Variants in MBNL1 observed in about 807,000 individuals in gnomAD.
MBNL1 encodes muscleblind like splicing regulator 1, also known as muscleblind-like protein 1.
A neutral mutation model predicts 42.2 loss-of-function variants in MBNL1; 8 were observed. That is an observed-to-expected ratio of 0.19 (90% CI 0.11 to 0.34). The LOEUF (loss-of-function observed/expected upper bound fraction) is 0.34. MBNL1 is among the 10% of genes least tolerant of loss of function. The pLI is 1.00. For missense variants in MBNL1, 309 were observed against 495.3 expected, an observed-to-expected ratio of 0.62 and a Z score of 3.57; for synonymous variants, 169 against 173.9, an observed-to-expected ratio of 0.97 and a Z score of 0.22.
At chr3:152,335,549 C>T (rs1227730577) in intron 2 of MBNL1, among the ~76,000 whole-genome samples, 3 of 152,000 alleles carry the variant, frequency 2.0e-5, no homozygotes, top group Non-Finnish European at 4.4e-5. Context: ...TTTGACTTGC[C>T]CTACAGTGAT....
At chr3:152,257,934 T>C (rs1004063760) in intron 2 of MBNL1, among the ~76,000 whole-genome samples, 3 of 152,154 alleles carry the variant, frequency 2.0e-5, no homozygotes, top group Non-Finnish European at 4.4e-5. Context: ...GCTTGTAAAG[T>C]GGGTGAGAAA....
At chr3:152,363,714 T>C (rs756273561) in intron 2 of MBNL1, among the ~76,000 whole-genome samples, 1 of 152,146 alleles carries the variant, frequency 6.6e-6, no homozygotes. Flanking sequence ...TAGTTCCATT[T>C]TAGAGAGAGG....
chr3:152,329,465 A>G (rs561697106), intron 2 of MBNL1, among the ~76,000 whole-genome samples: 2 of 151,194 alleles, frequency 1.3e-5, no homozygotes, highest in East Asian at 4.0e-4. Flanking sequence ...TGTCTCTACC[A>G]AAAAGAAAAG....
At chr3:152,435,694 G>A (rs1042009622) in intron 4 of MBNL1, among the ~76,000 whole-genome samples, 1 of 151,966 alleles carries the variant, frequency 6.6e-6, no homozygotes, top group Non-Finnish European at 1.5e-5. Context: ...TTTTCAGTTT[G>A]TTATGTGTCA....
At chr3:152,247,053 T>C (rs1031319711) in intron 2 of MBNL1, among the ~76,000 whole-genome samples, 1 of 152,150 alleles carries the variant, frequency 6.6e-6, no homozygotes, top group Non-Finnish European at 1.5e-5. Flanking sequence ...CAAAAGAACA[T>C]TGAAAGATTT....
intron 2 of MBNL1, among the ~76,000 whole-genome samples, chr3:152,339,446 T>G (rs1036164318): frequency 1.3e-5 from 2 of 152,146 alleles, no homozygotes; most frequent in African/African-American, 4.8e-5. Context: ...TATGAGTTTG[T>G]GACAGCTGTT....
At chr3:152,274,624 C>A (rs531541839) in intron 1 of MBNL1, among the ~76,000 whole-genome samples, 17 of 152,084 alleles carry the variant, frequency 1.1e-4, no homozygotes, top group Non-Finnish European at 2.2e-4. Context: ...ATTCTGTTAA[C>A]GCAGTATTCT....
At position 152,300,489 on chromosome 3, in the gene MBNL1, T is replaced by G. The variant is rs369763023; in HGVS notation, c.174+122T>G. On this transcript the variant is annotated intron_variant, in intron 2 of 9. Coordinates refer to ENST00000324210, the MANE Select transcript of MBNL1 (RefSeq NM_021038.5). ...TTCATAGTTTAGTTATACAGTGTGT[T>G]GATGATGTTGGGCTGGGGAACTTTA... The G allele has an allele frequency of 8.5e-5, 66 of 778,070 alleles. No homozygotes were observed. In the South Asian group the frequency reaches 1.5e-3, roughly 18 times the overall value. 48.2% of individuals were successfully genotyped at this position (778,070 alleles called of 1,614,324 possible).
intron 1 of MBNL1, among the ~76,000 whole-genome samples, chr3:152,282,017 G>A (rs1373280430): frequency 6.6e-6 from 1 of 152,040 alleles, no homozygotes; most frequent in African/African-American, 2.4e-5. Flanking sequence ...ATAAATGATT[G>A]TGAAGTGGTA....
intron 2 of MBNL1, among the ~76,000 whole-genome samples, chr3:152,388,088 C>A (rs1378541663): frequency 1.3e-5 from 2 of 152,160 alleles, no homozygotes; most frequent in African/African-American, 4.8e-5. Flanking sequence ...CCTTGACATT[C>A]TTGTAGTTTA....
intron 4 of MBNL1, among the ~76,000 whole-genome samples, chr3:152,437,217 G>T (rs1193215445): frequency 6.6e-6 from 1 of 152,016 alleles, no homozygotes; most frequent in East Asian, 1.9e-4. Context: ...AAAAATTTTC[G>T]GAATCAGTTA....
chr3:152,326,321 G>T (rs1009108717), intron 2 of MBNL1, among the ~76,000 whole-genome samples: 3 of 152,058 alleles, frequency 2.0e-5, no homozygotes, highest in African/African-American at 4.8e-5. Context: ...TATTTGGGGG[G>T]AACATTTCCT....
At chr3:152,382,384 CA>C (rs1344141128) in intron 2 of MBNL1, among the ~76,000 whole-genome samples, 1 of 151,972 alleles carries the variant, frequency 6.6e-6, no homozygotes, top group Non-Finnish European at 1.5e-5. Flanking sequence ...GGTTGCATAA[CA>C]TTTTTTTTAA....
intron 2 of MBNL1, among the ~76,000 whole-genome samples, chr3:152,244,881 A>G (rs1417957515): frequency 2.0e-5 from 3 of 152,028 alleles, no homozygotes; most frequent in Non-Finnish European, 2.9e-5. Context: ...GCATTCTTAC[A>G]TTTGTTTTTA....
intron 2 of MBNL1, among the ~76,000 whole-genome samples, chr3:152,252,181 C>CCTTCCTTCCTTCCTTCCT (rs1328005613): frequency 7.2e-5 from 2 of 27,964 alleles, no homozygotes; most frequent in Admixed American, 4.4e-4. Flanking sequence ...CCTTCCTTCC[C>CCTTCCTTCCTTCCTTCCT]TCCTTCCTTC....
intron 2 of MBNL1, among the ~76,000 whole-genome samples, chr3:152,374,845 C>T (rs1407119627): frequency 2.6e-5 from 4 of 152,100 alleles, no homozygotes. Context: ...AAAGAGGACT[C>T]AGGAAATGGA....
chr3:152,422,767 C>CAAGTTAG (rs1250247561), intron 3 of MBNL1, among the ~76,000 whole-genome samples: 2 of 152,182 alleles, frequency 1.3e-5, no homozygotes, highest in African/African-American at 2.4e-5. Flanking sequence ...ACAGTGCAAT[C>CAAGTTAG]AAGTTAGAAC....
intron 3 of MBNL1, among the ~76,000 whole-genome samples, chr3:152,425,247 T>C (rs546275484): frequency 6.6e-6 from 1 of 151,076 alleles, no homozygotes; most frequent in Admixed American, 6.6e-5. Flanking sequence ...GCAAAGGATA[T>C]GAACAGACAC....
chr3:152,396,381 T>G (rs2097936888), intron 2 of MBNL1, among the ~76,000 whole-genome samples: 1 of 152,126 alleles, frequency 6.6e-6, no homozygotes, highest in South Asian at 2.1e-4. Context: ...TGATCCCTGG[T>G]GCCAAAAAGG....
Sources: gnomAD v4.1 joint callset for allele counts (sites outside exome capture counted in the v4.1 genomes callset) on GRCh38, gnomAD v4.1.1 for gene constraint, MANE v1.5 for transcripts, NCBI Gene and HGNC (gene_info 2026-07-23, HGNC 2026-07-21) for gene names.